The following NTNG2 variants were observed in gnomAD, a reference collection of about 807,000 sequenced individuals.
NTNG2 encodes the protein netrin-G2.
In NTNG2, 15 loss-of-function variants were observed where a neutral mutation model predicts 47.6. The observed-to-expected ratio is 0.32, with a 90% CI of 0.21 to 0.49. The LOEUF (loss-of-function observed/expected upper bound fraction) is 0.49, where lower values mean the gene tolerates loss of function less well. Among genes scored for constraint, NTNG2 ranks in the 20% least tolerant of loss-of-function variants. The pLI, the probability that NTNG2 is intolerant of heterozygous loss-of-function variation, is 0.99. For synonymous variants in NTNG2, 307 were observed against 324.6 expected, an observed-to-expected ratio of 0.95 and a Z score of 0.58; for missense variants, 578 against 764.6, an observed-to-expected ratio of 0.76 and a Z score of 2.88.
chr9:132,211,818 A>G (rs1315588837), intron 3 of NTNG2, among the ~76,000 whole-genome samples: 1 of 152,048 alleles, frequency 6.6e-6, no homozygotes, highest in Non-Finnish European at 1.5e-5. Context: ...CCGCCCCCAT[A>G]GGCTCTGAGC....
intron 2 of NTNG2, among the ~76,000 whole-genome samples, chr9:132,177,623 C>T (rs921538071): frequency 6.6e-6 from 1 of 152,166 alleles, no homozygotes; most frequent in African/African-American, 2.4e-5. Context: ...TATGCACTTA[C>T]TTCTGGACTC....
chr9:132,213,324 T>C (rs1168420204), intron 3 of NTNG2, among the ~76,000 whole-genome samples: 4 of 116,430 alleles, frequency 3.4e-5, no homozygotes, highest in East Asian at 2.8e-4. Flanking sequence ...AGAGTAAGAC[T>C]CCATCTCAAA....
At chr9:132,228,714 G>T (rs917397101) in intron 4 of NTNG2, among the ~76,000 whole-genome samples, 1 of 152,058 alleles carries the variant, frequency 6.6e-6, no homozygotes, top group Non-Finnish European at 1.5e-5. Context: ...CACACCACCA[G>T]GCCCAGCTAA....
intron 2 of NTNG2, among the ~76,000 whole-genome samples, chr9:132,176,229 A>G (rs1836442582): frequency 6.6e-6 from 1 of 152,136 alleles, no homozygotes; most frequent in Admixed American, 6.5e-5. Flanking sequence ...CTTGCCTTTT[A>G]AACTATTTTA....
At chr9:132,188,693 C>T (rs959048838) in intron 2 of NTNG2, among the ~76,000 whole-genome samples, 12 of 152,234 alleles carry the variant, frequency 7.9e-5, no homozygotes, top group Non-Finnish European at 1.5e-5. Flanking sequence ...CATGAATGTG[C>T]TCCCAGCATC....
At chr9:132,232,540 C>T (rs1451476740) in intron 5 of NTNG2, 2 of 152,586 alleles carry the variant, frequency 1.3e-5, no homozygotes, top group Non-Finnish European at 2.9e-5. Flanking sequence ...CTGCTCTCAC[C>T]TGGACTCACC....
rs1401945670 is a variant in NTNG2, at chr9:132,215,684, AATAGGTTGATTATCTC to A, written c.858-11164_858-11149del. ...CTTGGGGCGCCCCAGGGGCCTGGAG[AATAGGTTGATTATCTC>A]TATTTTGGGGAGCTGCAGGCTCTGA... is the stretch of plus-strand genomic sequence containing the variant. On this transcript the variant is annotated intron_variant, in intron 3 of 7. Transcript: ENST00000393229. The surrounding 1 kb of genome is among the most constrained non-coding windows in gnomAD (Gnocchi z 4.2). 3.4e-4 allele frequency among the ~76,000 whole-genome samples: 52 copies of A among 152,166 alleles called. No individual in the cohort carries two copies. Among genetic ancestry groups the A allele is most frequent in the African/African-American group, 1.3e-3 (52 of 41,534 alleles).
In NTNG2 at chr9:132,240,977, C is replaced by T; in HGVS notation, c.1290C>T (p.Arg430=). Residue 430 remains arginine, a synonymous_variant, in exon 7 of 8, where the codon CGC becomes CGT. Transcript: ENST00000393229. ...ACGAGACCGGCTTCTGCGAGTGCCGCGAGGGCGCGGCGGGCCCCAAGTGCG... is the reference window on the plus strand; with the variant it reads ...ACGAGACCGGCTTCTGCGAGTGCCGTGAGGGCGCGGCGGGCCCCAAGTGCG... ...RCNETGFCEC[R]EGAAGPKCDD... The T allele has an allele frequency of 6.2e-7, 1 of 1,611,672 alleles. No homozygotes were observed. The highest frequency in any genetic ancestry group is 1.1e-5 in the South Asian group (1 of 91,034).
At chr9:132,206,436 G>A (rs748953501) in intron 3 of NTNG2, among the ~76,000 whole-genome samples, 4 of 152,234 alleles carry the variant, frequency 2.6e-5, no homozygotes, top group Non-Finnish European at 5.9e-5. Context: ...GGAGGCCGAG[G>A]CAGGTCCATC....
At chr9:132,174,184 C>A (rs1181425160) in intron 2 of NTNG2, among the ~76,000 whole-genome samples, 1 of 117,806 alleles carries the variant, frequency 8.5e-6, no homozygotes, top group African/African-American at 3.5e-5. Flanking sequence ...ACAGGCAGGT[C>A]GAACCATGCT....
At position 132,242,101 on chromosome 9, in the gene NTNG2, TG is replaced by T. The variant is rs1453842140; in HGVS notation, c.1586del (p.Gly529AlafsTer315). ...CTGCTGCTGGGGCTGGCCGCCCGCC[TG>T]GGCCGCTGAGCCCCGCCCGGAGGAC... is the stretch of plus-strand genomic sequence containing the variant. Reference protein sequence around the residue: ...CLLLLGLAARLGR With the variant: ...CLLLLGLAARXGR On this transcript the variant is annotated frameshift_variant, in exon 8 of 8. Coordinates refer to ENST00000393229, the MANE Select transcript of NTNG2 (RefSeq NM_032536.4). LOFTEE classifies it high-confidence loss of function. The surrounding 1 kb of genome is among the most constrained non-coding windows in gnomAD (Gnocchi z 5.9). 8.7e-7 allele frequency: 1 copy of T among 1,154,988 alleles called. No homozygotes were observed. Among genetic ancestry groups the T allele is most frequent in the Non-Finnish European group, 1.1e-6 (1 of 941,274 alleles). 71.5% of individuals were successfully genotyped at this position (1,154,988 alleles called of 1,614,324 possible). A position where few individuals can be genotyped will look rare whatever the true frequency, so the allele number is the denominator to read the frequency against.
chr9:132,226,584 G>A lies in NTNG2; in HGVS notation c.858-265G>A, dbSNP rs1018835635. On this transcript the variant is annotated intron_variant, in intron 3 of 7. Coordinates refer to ENST00000393229, the MANE Select transcript of NTNG2 (RefSeq NM_032536.4). This position sits in a 1 kb window ranked among gnomAD's most constrained non-coding sequence, Gnocchi z 4.8. ...ATCACTCTCCCCAACTGAGATGTGAGGAATCCTTGAAACCAGCATCAGAGC... is the reference window on the plus strand; with the variant it reads ...ATCACTCTCCCCAACTGAGATGTGAAGAATCCTTGAAACCAGCATCAGAGC... Among the ~76,000 whole-genome samples, 1 of 152,250 alleles carries A rather than the reference G, an allele frequency of 6.6e-6. No individual in the cohort carries two copies. Among genetic ancestry groups the A allele is most frequent in the Non-Finnish European group, 1.5e-5 (1 of 68,042 alleles).
At chr9:132,237,092 G>A (rs1182830222) in intron 5 of NTNG2, among the ~76,000 whole-genome samples, 4 of 152,304 alleles carry the variant, frequency 2.6e-5, no homozygotes, top group South Asian at 2.1e-4. Context: ...AGCAGGGCGC[G>A]GGGGTGTCAG....
Position 132,208,150 on chromosome 9 carries a change from C to G in NTNG2, c.857+9541C>G, listed in dbSNP as rs1168066535. On this transcript the variant is annotated intron_variant, in intron 3 of 7. Coordinates refer to ENST00000393229, the MANE Select transcript of NTNG2 (RefSeq NM_032536.4). This position sits in a 1 kb window ranked among gnomAD's most constrained non-coding sequence, Gnocchi z 4.0. ...GTGGAGCTGGGAACCAACCTGAGACCTGGACCCAGGGGTCAGGGAAGGCCC... is the reference window on the plus strand; with the variant it reads ...GTGGAGCTGGGAACCAACCTGAGACGTGGACCCAGGGGTCAGGGAAGGCCC... 1.3e-5 allele frequency among the ~76,000 whole-genome samples: 2 copies of G among 151,936 alleles called. No homozygotes were observed. The highest frequency in any genetic ancestry group is 2.9e-5 in the Non-Finnish European group (2 of 67,980).
intron 2 of NTNG2, among the ~76,000 whole-genome samples, chr9:132,188,242 C>T (rs976843941): frequency 1.3e-5 from 2 of 152,234 alleles, no homozygotes; most frequent in Non-Finnish European, 2.9e-5. Context: ...ACCTTGTATG[C>T]GGCAGCAGCC....
At chr9:132,225,734 C>A (rs1361315204) in intron 3 of NTNG2, among the ~76,000 whole-genome samples, 1 of 152,118 alleles carries the variant, frequency 6.6e-6, no homozygotes, top group Admixed American at 6.5e-5. Context: ...ATGTTTGAAC[C>A]AAGGACCAGA....
chr9:132,238,755 TTCTAATCACCCCG>T (rs1454369067), intron 5 of NTNG2, among the ~76,000 whole-genome samples: 1 of 152,206 alleles, frequency 6.6e-6, no homozygotes, highest in Non-Finnish European at 1.5e-5. Context: ...ATGAATCACT[TTCTAATCACCCCG>T]GCATGTGGGC....
In NTNG2 at chr9:132,242,133, C is replaced by A; in HGVS notation, c.*22C>A. 1 of 1,091,926 alleles carries A rather than the reference C, an allele frequency of 9.2e-7. No individual in the cohort carries two copies. Among genetic ancestry groups the A allele is most frequent in the Non-Finnish European group, 1.1e-6 (1 of 895,366 alleles). The allele number at this position is 1,091,926 out of a possible 1,614,324, so 67.6% of individuals were successfully genotyped here. ...CTGAGCCCCGCCCGGAGGACGCTCC[C>A]CGCACCCGGAGGCCGGGGGTCCCGG... On this transcript the variant is annotated 3_prime_UTR_variant, in exon 8 of 8. Coordinates refer to ENST00000393229, the MANE Select transcript of NTNG2 (RefSeq NM_032536.4). This position sits in a 1 kb window ranked among gnomAD's most constrained non-coding sequence, Gnocchi z 5.9.
At chr9:132,188,991 T>A (rs1476049543) in intron 2 of NTNG2, among the ~76,000 whole-genome samples, 2 of 149,062 alleles carry the variant, frequency 1.3e-5, no homozygotes, top group African/African-American at 5.0e-5. Flanking sequence ...GGGCCCATCA[T>A]AACAGACAGA....
Sources: gnomAD v4.1 joint callset for allele counts (sites outside exome capture counted in the v4.1 genomes callset) on GRCh38, gnomAD v4.1.1 for gene constraint, Gnocchi (gnomAD v3.1) non-coding constraint, MANE v1.5 for transcripts, NCBI Gene and HGNC (gene_info 2026-07-23, HGNC 2026-07-21) for gene names.